SIGLEC5: variants seen among roughly 807,000 people sequenced by gnomAD.
The protein encoded by SIGLEC5 is sialic acid-binding Ig-like lectin 5.
Under a neutral mutation model 45.9 loss-of-function variants are expected in SIGLEC5, and 34 were observed. The observed-to-expected ratio is 0.74, with a 90% CI of 0.56 to 0.99. The LOEUF (loss-of-function observed/expected upper bound fraction) is 0.99. SIGLEC5 is among the 50% of genes least tolerant of loss of function. SIGLEC5 has a pLI of 0.00. For synonymous variants in SIGLEC5, 203 were observed against 258.6 expected (o/e 0.79, Z 2.06); for missense variants, 508 against 629.6 (o/e 0.81, Z 2.07).
At chr19:51,618,027 G>A (rs2122619798) in intron 8 of SIGLEC5, among the ~76,000 whole-genome samples, 1 of 149,930 alleles carries the variant, frequency 6.7e-6, no homozygotes, top group African/African-American at 2.5e-5. Context: ...CAAAGTCCTG[G>A]GCTCAAGCGA....
intron 8 of SIGLEC5, among the ~76,000 whole-genome samples, chr19:51,612,858 C>T (rs933412123): frequency 1.3e-5 from 2 of 151,296 alleles, no homozygotes; most frequent in African/African-American, 2.4e-5. Flanking sequence ...CTAATTAAGG[C>T]TTTGGCTCAT....
rs572552186 is a variant in SIGLEC5, at chr19:51,622,201, C to T, written c.1464+3831G>A. On this transcript the variant is annotated intron_variant, in intron 8 of 8. Coordinates refer to ENST00000683636, the MANE Select transcript of SIGLEC5 (RefSeq NM_003830.4). Reference sequence around the variant, plus strand: ...GGCTGGAGTGCACTGGCGCGATCTCCGCTCACTGCAAGCTCTGCCTCCCAG... The same window carrying T: ...GGCTGGAGTGCACTGGCGCGATCTCTGCTCACTGCAAGCTCTGCCTCCCAG... Among the ~76,000 whole-genome samples, 9 of 152,122 alleles carry T rather than the reference C, an allele frequency of 5.9e-5. 1 individual carries two copies. Among genetic ancestry groups the T allele is most frequent in the Admixed American group, 1.3e-4 (2 of 15,294 alleles).
chr19:51,619,941 A>G (rs73050880), intron 8 of SIGLEC5, among the ~76,000 whole-genome samples: 13,413 of 151,962 alleles, frequency 0.088, 728 homozygotes, highest in South Asian at 0.12. Context: ...ATTTAGCTAG[A>G]AAAAAAGAAA....
chr19:51,616,037 A>G (rs971974589), intron 8 of SIGLEC5, among the ~76,000 whole-genome samples: 1 of 152,124 alleles, frequency 6.6e-6, no homozygotes, highest in African/African-American at 2.4e-5. Flanking sequence ...CGGCCTCCCA[A>G]AGTGCTGGGA....
At chr19:51,623,991 G>A (rs184736011) in intron 8 of SIGLEC5, among the ~76,000 whole-genome samples, 5 of 151,734 alleles carry the variant, frequency 3.3e-5, no homozygotes, top group African/African-American at 7.3e-5. Context: ...AAACCCCATC[G>A]CTACTAAAAA....
intron 8 of SIGLEC5, among the ~76,000 whole-genome samples, chr19:51,617,060 C>T (rs1983091771): frequency 2.0e-5 from 3 of 151,778 alleles, no homozygotes; most frequent in South Asian, 4.1e-4. Flanking sequence ...TCAAGACCAT[C>T]CTGGCTAAGA....
chr19:51,629,522 G>A lies in SIGLEC5; in HGVS notation c.536C>T (p.Ser179Phe), dbSNP rs1207503947. ...SCEAGPPLTFSWTGNALSPLD... is the reference protein window; with the variant it reads ...SCEAGPPLTFFWTGNALSPLD... ...GGGGCTGAGGGCATTCCCCGTCCAG[G>A]AGAATGTGAGAGGTGGTCCCGCTTC... Residue 179 changes from serine to phenylalanine, a missense_variant, in exon 3 of 9, where the codon TCC (serine) becomes TTC (phenylalanine). Physicochemically the swap from Ser to Phe is radical, Grantham distance 155. This residue lies in a region of SIGLEC5 where 77 missense variants were observed against 200.8 expected (regional missense o/e 0.38). Transcript: ENST00000683636. 2 of 1,593,264 alleles carry A rather than the reference G, an allele frequency of 1.3e-6. No individual in the cohort carries two copies. Among genetic ancestry groups the A allele is most frequent in the East Asian group, 2.3e-5 (1 of 44,210 alleles).
rs1424373359 is a variant in SIGLEC5 at position 51,620,327 on chromosome 19, A to G, written c.1464+5705T>C. Among the ~76,000 whole-genome samples, 4 of 152,190 alleles carry G rather than the reference A, an allele frequency of 2.6e-5. No individual in the cohort carries two copies. The East Asian group carries it at 7.7e-4, about 29-fold the overall frequency. ...ACAGAAGAAACAGGAGGAAAAAGGA[A>G]AATGACAAGTGTATTTGACCATGCA... is the stretch of plus-strand genomic sequence containing the variant. On this transcript the variant is annotated intron_variant, in intron 8 of 8. Coordinates refer to ENST00000683636, the MANE Select transcript of SIGLEC5 (RefSeq NM_003830.4).
chr19:51,626,161 G>A, intron 7 of SIGLEC5, 48 bp from the exon 8 acceptor site: 1 of 1,486,302 alleles, frequency 6.7e-7, no homozygotes, highest in East Asian at 2.3e-5. Flanking sequence ...CCAGGCACGG[G>A]TTAGCGGGTT....
chr19:51,620,203 C>A (rs1983231814), intron 8 of SIGLEC5, among the ~76,000 whole-genome samples: 1 of 152,098 alleles, frequency 6.6e-6, no homozygotes, highest in African/African-American at 2.4e-5. Flanking sequence ...ATCTATCAAT[C>A]ATTCAGGAAA....
chr19:51,619,769 T>C (rs1311081604), intron 8 of SIGLEC5, among the ~76,000 whole-genome samples: 1 of 151,992 alleles, frequency 6.6e-6, no homozygotes, highest in African/African-American at 2.4e-5. Context: ...TAAAAATTTA[T>C]CAAAGATCAT....
rs751433499 is a variant in SIGLEC5 at position 51,627,452 on chromosome 19, G to T, written c.1282+10C>A. ...CTCAGGCCCCTGCCCTCTGCAATAC[G>T]CCCCCTGACCTTGCAGCAGCAGGAC... On this transcript the variant is annotated intron_variant, in intron 6 of 8. Coordinates refer to ENST00000683636, the MANE Select transcript of SIGLEC5 (RefSeq NM_003830.4). 6.2e-7 allele frequency: 1 copy of T among 1,605,890 alleles called. No homozygotes were observed. Among genetic ancestry groups the T allele is most frequent in the Admixed American group, 1.7e-5 (1 of 59,510 alleles).
intron 8 of SIGLEC5, among the ~76,000 whole-genome samples, chr19:51,625,374 G>A (rs372527369): frequency 2.0e-5 from 3 of 152,202 alleles, no homozygotes; most frequent in African/African-American, 7.2e-5. Flanking sequence ...CAACAACATT[G>A]AAACTCCAGG....
At chr19:51,618,874 A>G (rs1983176197) in intron 8 of SIGLEC5, among the ~76,000 whole-genome samples, 2 of 152,060 alleles carry the variant, frequency 1.3e-5, no homozygotes, top group Non-Finnish European at 2.9e-5. Flanking sequence ...TTCACTGAGA[A>G]GATATAATGC....
intron 8 of SIGLEC5, among the ~76,000 whole-genome samples, chr19:51,615,342 G>A (rs73050872): frequency 2.0e-5 from 3 of 152,196 alleles, no homozygotes; most frequent in African/African-American, 7.2e-5. Flanking sequence ...AGAACTGGGC[G>A]GGGGGACAGC....
chr19:51,629,271 TACAC>T (rs72330913), intron 3 of SIGLEC5, 83 bp downstream of exon 3: 42,347 of 1,409,986 alleles, frequency 0.03, 14 homozygotes, highest in South Asian at 0.034. Flanking sequence ...CTGTCTTCCT[TACAC>T]ACACACACAC....
At position 51,629,040 on chromosome 19, in the gene SIGLEC5, A is replaced by G; in HGVS notation, c.737T>C (p.Ile246Thr). 1.2e-6 allele frequency: 2 copies of G among 1,613,722 alleles called. No individual in the cohort carries two copies. Among genetic ancestry groups the G allele is most frequent in the East Asian group, 2.2e-5 (1 of 44,878 alleles). The change falls in exon 4 of 9, where the codon ATA becomes ACA. Residue 246 changes from isoleucine (I) to threonine (T), a missense_variant and splice_region_variant. Ile to Thr is a moderately conservative substitution (Grantham distance 89, BLOSUM62 -1). Transcript: ENST00000683636. ...TTCAGAGAGGAGGTCTTTCCTACCT[A>G]TGCCGTTCCTGAAGATGGTGATGGT... is the stretch of plus-strand genomic sequence containing the variant. ...PQTITIFRNG[I>T]ALEILQNTSY...
chr19:51,628,945 C>A, intron 4 of SIGLEC5, 93 bp downstream of exon 4: 1 of 1,289,086 alleles, frequency 7.8e-7, no homozygotes, highest in African/African-American at 1.5e-5. Context: ...TTGCTCTTCC[C>A]AAATCTGATT....
intron 8 of SIGLEC5, among the ~76,000 whole-genome samples, chr19:51,622,466 GA>G (rs34333806): frequency 0.22 from 31,503 of 145,788 alleles, 4,397 homozygotes; most frequent in Admixed American, 0.31. Flanking sequence ...ACATTAAAGT[GA>G]AAAAAAAAAA....
Sources: allele counts gnomAD v4.1 joint callset (sites outside exome capture counted in the v4.1 genomes callset), GRCh38; gene constraint gnomAD v4.1.1; regional missense constraint gnomAD v4.1.1; transcripts MANE v1.5; gene names NCBI Gene and HGNC (gene_info 2026-07-23, HGNC 2026-07-21).